IPPK: variants seen among roughly 807,000 people sequenced by gnomAD.
IPPK encodes inositol-pentakisphosphate 2-kinase.
IPPK carries 22 observed loss-of-function variants against 64.6 expected under a neutral mutation model. The observed-to-expected ratio is 0.34, with a 90% CI of 0.24 to 0.49. The LOEUF (loss-of-function observed/expected upper bound fraction) is 0.49, where lower values mean the gene tolerates loss of function less well. Ranked by LOEUF, IPPK falls within the 20% of genes least tolerant of loss-of-function variation. The pLI is 0.99. For missense variants in IPPK, 532 were observed against 630.7 expected (o/e 0.84, Z 1.68); for synonymous variants, 262 against 247.2 (o/e 1.06, Z -0.56).
chr9:92,650,126 A>G (rs1416003929), intron 4 of IPPK, among the ~76,000 whole-genome samples: 2 of 151,852 alleles, frequency 1.3e-5, no homozygotes, highest in African/African-American at 4.8e-5. Context: ...GATCAAGACC[A>G]TCTTGGCCAA....
At chr9:92,653,618 G>A (rs1034590161) in intron 3 of IPPK, among the ~76,000 whole-genome samples, 7 of 152,194 alleles carry the variant, frequency 4.6e-5, no homozygotes, top group South Asian at 2.1e-4. Context: ...TTGGGAGGCC[G>A]AGGCTGGTGG....
At chr9:92,650,298 C>T (rs1187345752) in intron 4 of IPPK, among the ~76,000 whole-genome samples, 25 of 151,678 alleles carry the variant, frequency 1.6e-4, no homozygotes, top group Admixed American at 1.1e-3. Flanking sequence ...ACTGCACTAC[C>T]GCCTGGCGAA....
At chr9:92,625,124 T>C (rs1255766432) in intron 11 of IPPK, among the ~76,000 whole-genome samples, 1 of 152,220 alleles carries the variant, frequency 6.6e-6, no homozygotes, top group Non-Finnish European at 1.5e-5. Context: ...ATTTTTACTT[T>C]GTGACAAGTC....
At chr9:92,645,131 C>T (rs1852125642) in intron 6 of IPPK, among the ~76,000 whole-genome samples, 1 of 152,146 alleles carries the variant, frequency 6.6e-6, no homozygotes, top group Non-Finnish European at 1.5e-5. Flanking sequence ...TGGCTCACAC[C>T]TATAATCCCA....
intron 11 of IPPK, chr9:92,619,802 A>G (rs180737387): frequency 1.8e-6 from 1 of 545,324 alleles, no homozygotes; most frequent in African/African-American, 1.9e-5. Context: ...CTGACCTCTC[A>G]CGGCAAGCAG....
chr9:92,629,689 C>T (rs895150295), intron 11 of IPPK, among the ~76,000 whole-genome samples: 1 of 130,182 alleles, frequency 7.7e-6, no homozygotes, highest in African/African-American at 2.9e-5. Context: ...GCCTGGGTGA[C>T]AGAGAGAGAT....
Position 92,615,967 on chromosome 9 carries a change from G to A in IPPK, c.1341C>T (p.Ser447=). Residue 447 remains serine (S), a synonymous_variant, in exon 13 of 13, where the codon AGC becomes AGT. Coordinates refer to ENST00000287996, the MANE Select transcript of IPPK (RefSeq NM_022755.6). ...CGTCCAGTTTATACTGATGGGGAAT[G>A]CTCTCGTAGGGCTTGAGGTCAAGGT... is the stretch of plus-strand genomic sequence containing the variant. The part of the protein sequence containing the change: ...VLDLDLKPYE[S]IPHQYKLDGK... The A allele has an allele frequency of 6.2e-7, 1 of 1,614,094 alleles. No individual in the cohort carries two copies. The highest frequency in any genetic ancestry group is 1.1e-5 in the South Asian group (1 of 91,074).
chr9:92,655,539 C>T (rs910308981), intron 3 of IPPK, among the ~76,000 whole-genome samples: 1 of 152,136 alleles, frequency 6.6e-6, no homozygotes, highest in East Asian at 1.9e-4. Flanking sequence ...CCTATCCTGT[C>T]CCCTCAGAGC....
chr9:92,649,672 G>A, intron 4 of IPPK, 98 bp from the exon 5 acceptor site: 4 of 1,403,436 alleles, frequency 2.9e-6, no homozygotes, highest in South Asian at 1.3e-5. Context: ...GGTTCCAGGG[G>A]GCATCTCTGT....
intron 8 of IPPK, among the ~76,000 whole-genome samples, chr9:92,638,561 C>T (rs1851989069): frequency 6.6e-6 from 1 of 152,240 alleles, no homozygotes; most frequent in Non-Finnish European, 1.5e-5. Flanking sequence ...AGACAATGAT[C>T]CACAGTATAT....
chr9:92,616,071 G>T lies in IPPK; in HGVS notation c.1251-14C>A, dbSNP rs2274413. 2 of 1,595,838 alleles carry T rather than the reference G, an allele frequency of 1.3e-6. No individual in the cohort carries two copies. Among genetic ancestry groups the T allele is most frequent in the South Asian group, 2.2e-5 (2 of 89,984 alleles). On this transcript the variant is annotated splice_polypyrimidine_tract_variant and intron_variant, in intron 12 of 12. Coordinates refer to ENST00000287996, the MANE Select transcript of IPPK (RefSeq NM_022755.6). ...CTTTGATCAGAGCTGCAAGTAAAAA[G>T]TACCATTTCAGGATACACAAGCCCC...
chr9:92,636,322 T>C (rs1587628203), intron 9 of IPPK, among the ~76,000 whole-genome samples: 1 of 152,316 alleles, frequency 6.6e-6, no homozygotes, highest in East Asian at 1.9e-4. Context: ...AGCAGATCCA[T>C]GCATGGTCAA....
At position 92,638,182 on chromosome 9, in the gene IPPK, G is replaced by A. The variant is rs760360287; in HGVS notation, c.735C>T (p.Asn245=). Reference sequence around the variant, plus strand: ...TGCAGTGGGGCCCACTGGCCAGGCCGTTGGAAGGGAAGAAGAACGGCTTCA... The same window carrying A: ...TGCAGTGGGGCCCACTGGCCAGGCCATTGGAAGGGAAGAAGAACGGCTTCA... The part of the protein sequence containing the change: ...HHLKPFFFPS[N]GLASGPHCTR... The change falls in exon 9 of 13, where the codon AAC becomes AAT. Residue 245 remains asparagine, a synonymous_variant. Coordinates refer to ENST00000287996, the MANE Select transcript of IPPK (RefSeq NM_022755.6). The A allele has an allele frequency of 1.6e-5, 26 of 1,614,138 alleles. No homozygotes were observed. In the Admixed American group the frequency reaches 2.0e-4, roughly 12 times the overall value.
intron 11 of IPPK, 110 bp downstream of exon 11, chr9:92,634,276 C>G: frequency 1.4e-6 from 1 of 708,874 alleles, no homozygotes; most frequent in Non-Finnish European, 2.4e-6. Context: ...AAGTTTTCTG[C>G]TTTAAACCTC....
chr9:92,634,518 T>A (rs765542187), intron 10 of IPPK, 30 bp from the exon 11 acceptor site: 1 of 1,523,462 alleles, frequency 6.6e-7, no homozygotes, highest in Non-Finnish European at 9.1e-7. Flanking sequence ...AAAAACAGGA[T>A]GACAAAGCCG....
At chr9:92,669,482 C>G (rs552535545) in intron 1 of IPPK, among the ~76,000 whole-genome samples, 1 of 152,336 alleles carries the variant, frequency 6.6e-6, no homozygotes, top group African/African-American at 2.4e-5. Flanking sequence ...CTGCTTCTTC[C>G]TCCAGTGCTG....
chr9:92,641,642 C>T lies in IPPK; in HGVS notation c.564-860G>A, dbSNP rs548061359. ...TGGTGCCACCTTCTGAATGAGCATTCCCAATGTTTGTGAACTTTTTAACTT... is the reference window on the plus strand; with the variant it reads ...TGGTGCCACCTTCTGAATGAGCATTTCCAATGTTTGTGAACTTTTTAACTT... On this transcript the variant is annotated intron_variant, in intron 7 of 12. Transcript: ENST00000287996. Among the ~76,000 whole-genome samples, 49 of 152,312 alleles carry T rather than the reference C, an allele frequency of 3.2e-4. No individual in the cohort carries two copies. The South Asian group carries it at 8.1e-3, about 25-fold the overall frequency.
At chr9:92,617,286 A>C (rs1364535063) in intron 12 of IPPK, 3 of 152,230 alleles carry the variant, frequency 2.0e-5, no homozygotes, top group South Asian at 2.1e-4. Flanking sequence ...GAACAGTCAC[A>C]TCCCCAGCCC....
intron 11 of IPPK, among the ~76,000 whole-genome samples, chr9:92,620,723 A>C (rs1851603945): frequency 6.6e-6 from 1 of 152,206 alleles, no homozygotes; most frequent in Non-Finnish European, 1.5e-5. Context: ...GCACGGATTT[A>C]GCTCAGGCCC....
Sources: allele counts gnomAD v4.1 joint callset (sites outside exome capture counted in the v4.1 genomes callset), GRCh38; gene constraint gnomAD v4.1.1; transcripts MANE v1.5; gene names NCBI Gene and HGNC (gene_info 2026-07-23, HGNC 2026-07-21).